The following EPHA3 variants were observed in gnomAD, a reference collection of about 807,000 sequenced individuals.
EPHA3 encodes the protein ephrin type-A receptor 3.
Under a neutral mutation model 107.1 loss-of-function variants are expected in EPHA3, and 42 were observed. The observed-to-expected ratio is 0.39, with a 90% CI of 0.31 to 0.51. The LOEUF (loss-of-function observed/expected upper bound fraction) is 0.51, where lower values mean the gene tolerates loss of function less well. Ranked by LOEUF, EPHA3 falls within the 20% of genes least tolerant of loss-of-function variation. The probability of loss-of-function intolerance (pLI) is 0.78; values close to 1 mark genes in which losing one functional copy is unlikely to be tolerated. For missense variants in EPHA3, 1,183 were observed against 1,211.2 expected (o/e 0.98, Z 0.35); for synonymous variants, 461 against 424.8 (o/e 1.09, Z -1.05).
intron 5 of EPHA3, 132 bp downstream of exon 5, chr3:89,342,222 T>G: frequency 1.5e-6 from 1 of 681,130 alleles, no homozygotes; most frequent in Non-Finnish European, 2.4e-6. Context: ...CTAACACATT[T>G]AAACAGTTAT....
chr3:89,452,940 T>C (rs1710023357), intron 15 of EPHA3, among the ~76,000 whole-genome samples: 1 of 151,458 alleles, frequency 6.6e-6, no homozygotes, highest in African/African-American at 2.4e-5. Context: ...TATCAGTATA[T>C]AAGAATCATA....
At chr3:89,135,117 G>A (rs1284692609) in intron 2 of EPHA3, among the ~76,000 whole-genome samples, 1 of 152,132 alleles carries the variant, frequency 6.6e-6, no homozygotes, top group Admixed American at 6.6e-5. Flanking sequence ...TTTTAGTGAT[G>A]AGAATGTTCT....
chr3:89,469,644 A>G (rs1241187498), intron 15 of EPHA3, among the ~76,000 whole-genome samples: 3 of 152,210 alleles, frequency 2.0e-5, no homozygotes, highest in African/African-American at 7.2e-5. Flanking sequence ...TTTGCTTCAT[A>G]GATTTTCTCA....
Position 89,449,268 on chromosome 3 carries a change from C to T in EPHA3, c.2390C>T (p.Ala797Val), listed in dbSNP as rs1263058019. 5 of 1,611,500 alleles carry T rather than the reference C, an allele frequency of 3.1e-6. No homozygotes were observed. The highest frequency in any genetic ancestry group is 1.7e-5 in the Admixed American group (1 of 59,940). ...PIRWTSPEAI[A>V]YRKFTSASDV... ...AGGTGGACATCACCAGAAGCTATAG[C>T]CTACCGCAAGTTCACGTCAGCCAGC... is the stretch of plus-strand genomic sequence containing the variant. Residue 797 changes from alanine (A) to valine (V), a missense_variant, in exon 14 of 17, where the codon GCC becomes GTC. By Grantham distance (64) the Ala-to-Val change is moderately conservative. Coordinates refer to ENST00000336596, the MANE Select transcript of EPHA3 (RefSeq NM_005233.6).
chr3:89,175,954 AC>A (rs1559586289), intron 2 of EPHA3, among the ~76,000 whole-genome samples: 1 of 151,738 alleles, frequency 6.6e-6, no homozygotes, highest in East Asian at 1.9e-4. Context: ...GCCACCACTG[AC>A]CCCCAAGTGA....
rs566971918 is a variant in EPHA3 at position 89,362,173 on chromosome 3, G to A, written c.1306+20083G>A. On this transcript the variant is annotated intron_variant, in intron 5 of 16. Coordinates refer to ENST00000336596, the MANE Select transcript of EPHA3 (RefSeq NM_005233.6). Reference sequence around the variant, plus strand: ...ATCTCATCTTCTTCAAGCGCAAGTAGCTGCTATTAATCCAGAAGATCTTCA... The same window carrying A: ...ATCTCATCTTCTTCAAGCGCAAGTAACTGCTATTAATCCAGAAGATCTTCA... 4.1e-4 allele frequency among the ~76,000 whole-genome samples: 62 copies of A among 151,136 alleles called. 2 individuals are homozygous for A. The highest frequency in any genetic ancestry group is 1.4e-3 in the African/African-American group (60 of 41,456).
intron 5 of EPHA3, among the ~76,000 whole-genome samples, chr3:89,348,466 C>T (rs1707727491): frequency 9.0e-6 from 1 of 111,554 alleles, no homozygotes; most frequent in Admixed American, 9.2e-5. Context: ...GTGATATCCC[C>T]TTTATCATTT....
In EPHA3 at chr3:89,399,334, G is replaced by A. The variant is rs1708910457; in HGVS notation, c.1448G>A (p.Ser483Asn). ...KYYEKQEQET[S>N]YTILRARGTN... ...ACCTCAAAGCAGGAACAAGAAACAA[G>A]TTATACCATTCTGAGGGCAAGAGGC... The change falls in exon 7 of 17, where the codon AGT (serine) becomes AAT (asparagine). Residue 483 changes from serine (S) to asparagine (N), a missense_variant. Transcript: ENST00000336596. 1 of 1,609,840 alleles carries A rather than the reference G, an allele frequency of 6.2e-7. No homozygotes were observed. Among genetic ancestry groups the A allele is most frequent in the Admixed American group, 1.7e-5 (1 of 59,802 alleles).
At chr3:89,263,322 G>GT (rs1289053392) in intron 3 of EPHA3, among the ~76,000 whole-genome samples, 1 of 152,144 alleles carries the variant, frequency 6.6e-6, no homozygotes, top group Non-Finnish European at 1.5e-5. Context: ...TAACAGCTCA[G>GT]TAGGCCCTTT....
At chr3:89,165,746 A>C (rs1202263873) in intron 2 of EPHA3, among the ~76,000 whole-genome samples, 1 of 152,196 alleles carries the variant, frequency 6.6e-6, no homozygotes, top group Non-Finnish European at 1.5e-5. Context: ...TGTGCAACAA[A>C]ATCCTGACTC....
intron 3 of EPHA3, among the ~76,000 whole-genome samples, chr3:89,305,006 T>C (rs796258494): frequency 2.2e-4 from 33 of 152,330 alleles, no homozygotes; most frequent in African/African-American, 7.7e-4. Context: ...TAAAAGATTG[T>C]TCATTTCATG....
intron 2 of EPHA3, among the ~76,000 whole-genome samples, chr3:89,137,963 C>T (rs1044091429): frequency 5.3e-5 from 8 of 151,768 alleles, no homozygotes; most frequent in African/African-American, 1.7e-4. Flanking sequence ...GAGGATGGGG[C>T]CCAGCAATAG....
chr3:89,193,752 T>A (rs1421255867), intron 2 of EPHA3, among the ~76,000 whole-genome samples: 1 of 152,012 alleles, frequency 6.6e-6, no homozygotes, highest in Non-Finnish European at 1.5e-5. Flanking sequence ...AATAAACTAC[T>A]TTTTTAGAAA....
At chr3:89,271,043 C>A (rs1170064439) in intron 3 of EPHA3, among the ~76,000 whole-genome samples, 1 of 151,962 alleles carries the variant, frequency 6.6e-6, no homozygotes, top group African/African-American at 2.4e-5. Flanking sequence ...AATAAGCCCT[C>A]CCTACTATTT....
intron 3 of EPHA3, among the ~76,000 whole-genome samples, chr3:89,333,229 T>C (rs924198669): frequency 6.6e-6 from 1 of 152,202 alleles, no homozygotes; most frequent in Non-Finnish European, 1.5e-5. Context: ...TTTTCAGAGC[T>C]GGCAGTTTGC....
At chr3:89,309,422 T>C (rs551074457) in intron 3 of EPHA3, among the ~76,000 whole-genome samples, 11 of 152,278 alleles carry the variant, frequency 7.2e-5, no homozygotes, top group Non-Finnish European at 1.2e-4. Flanking sequence ...TCACCTTTTA[T>C]GGTGTCTAAC....
At chr3:89,342,212 C>T (rs886850615) in intron 5 of EPHA3, 122 bp downstream of exon 5, 60 of 793,432 alleles carry the variant, frequency 7.6e-5, no homozygotes, top group Non-Finnish European at 1.1e-4. Flanking sequence ...ATTTTGCCTT[C>T]TAACACATTT....
chr3:89,362,435 C>T (rs1039738099), intron 5 of EPHA3, among the ~76,000 whole-genome samples: 2 of 151,128 alleles, frequency 1.3e-5, no homozygotes, highest in Admixed American at 6.6e-5. Context: ...TTGCAGTTGG[C>T]GCCAGGCAGC....
intron 3 of EPHA3, among the ~76,000 whole-genome samples, chr3:89,311,506 A>G (rs1706765364): frequency 6.6e-6 from 1 of 151,996 alleles, no homozygotes; most frequent in African/African-American, 2.4e-5. Flanking sequence ...CATATATATC[A>G]TGTACTTAGC....
Sources: gnomAD v4.1 joint callset for allele counts (sites outside exome capture counted in the v4.1 genomes callset) on GRCh38, gnomAD v4.1.1 for gene constraint, MANE v1.5 for transcripts, NCBI Gene and HGNC (gene_info 2026-07-23, HGNC 2026-07-21) for gene names.